SLC9A4: variants seen among roughly 807,000 people sequenced by gnomAD.
SLC9A4 encodes the protein sodium/hydrogen exchanger 4.
Under a neutral mutation model 67.4 loss-of-function variants are expected in SLC9A4, and 63 were observed. The ratio of observed to expected loss-of-function variants is 0.93; its 90% confidence interval spans 0.76 to 1.15. The LOEUF is 1.15. Among genes scored for constraint, SLC9A4 ranks in the 50% most tolerant of loss-of-function variants. The pLI, the probability that SLC9A4 is intolerant of heterozygous loss-of-function variation, is 0.00. For missense variants in SLC9A4, 1,089 were observed against 987.7 expected, an observed-to-expected ratio of 1.10 and a Z score of -1.38; for synonymous variants, 393 against 367.2, an observed-to-expected ratio of 1.07 and a Z score of -0.80.
intron 9 of SLC9A4, 33 bp from the exon 10 acceptor site, chr2:102,524,991 C>G: frequency 1.2e-6 from 2 of 1,612,480 alleles, no homozygotes; most frequent in Non-Finnish European, 1.7e-6. Context: ...ATGGAGGAGT[C>G]CTTACGTATT....
intron 11 of SLC9A4, among the ~76,000 whole-genome samples, chr2:102,529,010 G>T (rs563174578): frequency 6.6e-6 from 1 of 152,338 alleles, no homozygotes; most frequent in South Asian, 2.1e-4. Context: ...TCTCATACAT[G>T]CAGGATACGC....
chr2:102,505,535 C>T (rs1685033829), intron 4 of SLC9A4, 64 bp downstream of exon 4: 1 of 1,514,138 alleles, frequency 6.6e-7, no homozygotes, highest in Non-Finnish European at 9.1e-7. Flanking sequence ...TTATTCCCTT[C>T]CGCAATGTTA....
At chr2:102,484,294 T>G (rs1489368394) in intron 2 of SLC9A4, among the ~76,000 whole-genome samples, 1 of 152,100 alleles carries the variant, frequency 6.6e-6, no homozygotes, top group Non-Finnish European at 1.5e-5. Context: ...AATTTTCCAC[T>G]CATGCAACTG....
At chr2:102,532,237 T>C in intron 11 of SLC9A4, 93 bp from the exon 12 acceptor site, 1 of 1,359,304 alleles carries the variant, frequency 7.4e-7, no homozygotes, top group East Asian at 2.3e-5. Flanking sequence ...GGAAGAGCTT[T>C]GCTTCACTCT....
chr2:102,475,360 C>A (rs952691574), intron 1 of SLC9A4, among the ~76,000 whole-genome samples: 2 of 152,224 alleles, frequency 1.3e-5, no homozygotes, highest in South Asian at 2.1e-4. Context: ...CACAACCTGG[C>A]TTCCTCTTCA....
intron 1 of SLC9A4, among the ~76,000 whole-genome samples, chr2:102,474,336 G>A (rs1206411648): frequency 6.6e-6 from 1 of 152,134 alleles, no homozygotes; most frequent in African/African-American, 2.4e-5. Flanking sequence ...AGAGAATAAA[G>A]CACGTAGACC....
intron 4 of SLC9A4, chr2:102,505,954 G>T (rs1158644939): frequency 6.3e-6 from 1 of 159,902 alleles, no homozygotes; most frequent in Non-Finnish European, 1.4e-5. Flanking sequence ...CTCACAAATT[G>T]TATTCTATGG....
In SLC9A4 at chr2:102,503,510, C is replaced by G. The variant is rs147197838; in HGVS notation, c.783C>G (p.Val261=). The change falls in exon 3 of 12, where the codon GTC becomes GTG. Residue 261 remains valine, a synonymous_variant. Coordinates refer to ENST00000295269, the MANE Select transcript of SLC9A4 (RefSeq NM_001011552.4). ...KMHKFEDIET[V]DILAGCARFI... is the part of the protein sequence containing the mutation. ...ATAAATTTGAAGACATAGAAACTGT[C>G]GACATTTTGGCTGGATGTGCCCGAT... 6 of 1,613,896 alleles carry G rather than the reference C, an allele frequency of 3.7e-6. No homozygotes were observed. The highest frequency in any genetic ancestry group is 5.1e-6 in the Non-Finnish European group (6 of 1,179,980).
rs747439909 is a variant in SLC9A4, at chr2:102,473,641, C to A, written c.-119C>A. On this transcript the variant is annotated 5_prime_UTR_variant, in exon 1 of 12. Coordinates refer to ENST00000295269, the MANE Select transcript of SLC9A4 (RefSeq NM_001011552.4). Reference sequence around the variant, plus strand: ...CTCGGAATCTTCTTGGGAGGACCCACAGACTGTACCTATATTACTTTTGAC... The same window carrying A: ...CTCGGAATCTTCTTGGGAGGACCCAAAGACTGTACCTATATTACTTTTGAC... 155 of 1,281,320 alleles carry A rather than the reference C, an allele frequency of 1.2e-4. No individual in the cohort carries two copies. The highest frequency in any genetic ancestry group is 1.6e-4 in the Non-Finnish European group (147 of 934,042). 79.4% of individuals were successfully genotyped at this position (1,281,320 alleles called of 1,614,324 possible).
intron 11 of SLC9A4, among the ~76,000 whole-genome samples, chr2:102,531,211 C>T (rs774729781): frequency 2.4e-4 from 37 of 151,690 alleles, no homozygotes; most frequent in Non-Finnish European, 4.6e-4. Flanking sequence ...TACAGGTGCC[C>T]ACCACCACGC....
At chr2:102,487,302 G>C (rs1409591434) in intron 2 of SLC9A4, among the ~76,000 whole-genome samples, 1 of 152,134 alleles carries the variant, frequency 6.6e-6, no homozygotes, top group Non-Finnish European at 1.5e-5. Flanking sequence ...GACTTGGCTG[G>C]GGAGGTGGGA....
At chr2:102,525,482 T>C (rs1322542971) in intron 10 of SLC9A4, among the ~76,000 whole-genome samples, 1 of 150,894 alleles carries the variant, frequency 6.6e-6, no homozygotes, top group Non-Finnish European at 1.5e-5. Flanking sequence ...TCATGGTCAG[T>C]ACCTGGTCAC....
At chr2:102,513,783 G>A (rs577902431) in intron 7 of SLC9A4, among the ~76,000 whole-genome samples, 1 of 152,312 alleles carries the variant, frequency 6.6e-6, no homozygotes, top group South Asian at 2.1e-4. Flanking sequence ...GCTGAGCTGG[G>A]CTGGGCCTCC....
intron 5 of SLC9A4, 69 bp downstream of exon 5, chr2:102,508,350 C>G: frequency 9.0e-6 from 12 of 1,332,278 alleles, no homozygotes; most frequent in Non-Finnish European, 1.2e-5. Context: ...TAGTAAAATA[C>G]AAATAAAGGC....
chr2:102,491,451 G>A (rs1163499739), intron 2 of SLC9A4, among the ~76,000 whole-genome samples: 1 of 151,066 alleles, frequency 6.6e-6, no homozygotes, highest in African/African-American at 2.4e-5. Context: ...CACAATCATG[G>A]TGGAAGGCGA....
chr2:102,490,902 A>G (rs553229466), intron 2 of SLC9A4, among the ~76,000 whole-genome samples: 1 of 152,304 alleles, frequency 6.6e-6, no homozygotes, highest in East Asian at 1.9e-4. Flanking sequence ...ATGTTTACTC[A>G]AGGTCTTTAG....
At chr2:102,480,360 GTT>G (rs11123932) in intron 2 of SLC9A4, among the ~76,000 whole-genome samples, 1 of 143,988 alleles carries the variant, frequency 6.9e-6, no homozygotes, top group East Asian at 2.0e-4. Flanking sequence ...TCCGTGTCTT[GTT>G]TTTTTTTTTC....
chr2:102,509,786 T>C (rs1471948266), intron 6 of SLC9A4, among the ~76,000 whole-genome samples: 1 of 152,192 alleles, frequency 6.6e-6, no homozygotes, highest in Non-Finnish European at 1.5e-5. Context: ...TATCTGCTCT[T>C]AAAATATATG....
intron 9 of SLC9A4, 76 bp downstream of exon 9, chr2:102,520,031 T>A: frequency 8.1e-7 from 1 of 1,235,782 alleles, no homozygotes. Flanking sequence ...CTGTTGATGT[T>A]CAAGTCTCCT....
Sources: gnomAD v4.1 joint callset for allele counts (sites outside exome capture counted in the v4.1 genomes callset) on GRCh38, gnomAD v4.1.1 for gene constraint, MANE v1.5 for transcripts, NCBI Gene and HGNC (gene_info 2026-07-23, HGNC 2026-07-21) for gene names.